Variants in SMYD3 observed in about 807,000 individuals in gnomAD.
The protein encoded by SMYD3 is histone-lysine N-methyltransferase SMYD3.
A neutral mutation model predicts 57.7 loss-of-function variants in SMYD3; 36 were observed. The observed-to-expected ratio is 0.62, with a 90% CI of 0.48 to 0.82. SMYD3 has a LOEUF of 0.82. Among genes scored for constraint, SMYD3 ranks in the 40% least tolerant of loss-of-function variants. SMYD3 has a pLI of 0.00. For synonymous variants in SMYD3, 211 were observed against 195.0 expected, an observed-to-expected ratio of 1.08 and a Z score of -0.68; for missense variants, 515 against 538.8, an observed-to-expected ratio of 0.96 and a Z score of 0.44.
intron 5 of SMYD3, among the ~76,000 whole-genome samples, chr1:245,964,755 C>T (rs113461872): frequency 0.01 from 1,456 of 143,002 alleles, 28 homozygotes; most frequent in African/African-American, 0.036. Context: ...GATACGACAA[C>T]AGAAACTTCT....
At chr1:245,913,513 T>A (rs552820659) in intron 8 of SMYD3, among the ~76,000 whole-genome samples, 192 of 140,252 alleles carry the variant, frequency 1.4e-3, no homozygotes, top group African/African-American at 2.1e-3. Flanking sequence ...AACTATAATT[T>A]AAAAAAAAAA....
intron 10 of SMYD3, among the ~76,000 whole-genome samples, chr1:245,790,713 T>C (rs1449853404): frequency 6.6e-6 from 1 of 152,218 alleles, no homozygotes; most frequent in African/African-American, 2.4e-5. Flanking sequence ...TTTGGCTAAC[T>C]GAACCATTTG....
intron 5 of SMYD3, among the ~76,000 whole-genome samples, chr1:246,088,241 TTCTC>T (rs1166805898): frequency 6.6e-6 from 1 of 151,236 alleles, no homozygotes; most frequent in African/African-American, 2.4e-5. Flanking sequence ...CTCTCTCTCT[TTCTC>T]TCTCTCTCTC....
chr1:246,289,973 T>C (rs1291639241), intron 5 of SMYD3, among the ~76,000 whole-genome samples: 1 of 152,156 alleles, frequency 6.6e-6, no homozygotes, highest in African/African-American at 2.4e-5. Flanking sequence ...AGGAAAAAAC[T>C]ATCATAACTT....
intron 5 of SMYD3, among the ~76,000 whole-genome samples, chr1:246,003,546 C>G (rs2059117448): frequency 6.6e-6 from 1 of 152,152 alleles, no homozygotes. Context: ...ATTCCCTCCC[C>G]ATTCCTTTTT....
At chr1:246,290,925 A>G (rs1474257941) in intron 5 of SMYD3, among the ~76,000 whole-genome samples, 1 of 152,182 alleles carries the variant, frequency 6.6e-6, no homozygotes, top group East Asian at 1.9e-4. Context: ...GAGGTTATAT[A>G]TTTATTTTAA....
chr1:246,136,597 T>C (rs1010849531), intron 5 of SMYD3, among the ~76,000 whole-genome samples: 4 of 152,192 alleles, frequency 2.6e-5, no homozygotes, highest in African/African-American at 7.2e-5. Context: ...ATGTACAGCA[T>C]GGGCTCTGCA....
intron 10 of SMYD3, among the ~76,000 whole-genome samples, chr1:245,783,527 A>C (rs1013983901): frequency 1.3e-5 from 2 of 152,180 alleles, no homozygotes; most frequent in Admixed American, 1.3e-4. Flanking sequence ...ATTGAACATA[A>C]TAGTGGAAGT....
At chr1:246,426,891 T>G (rs999819582) in intron 1 of SMYD3, among the ~76,000 whole-genome samples, 7 of 152,222 alleles carry the variant, frequency 4.6e-5, no homozygotes, top group Admixed American at 6.5e-5. Flanking sequence ...CCCTCTCTAC[T>G]TTACAGAAAT....
At chr1:245,837,303 G>A (rs1034348203) in intron 10 of SMYD3, among the ~76,000 whole-genome samples, 9 of 151,970 alleles carry the variant, frequency 5.9e-5, no homozygotes, top group African/African-American at 9.7e-5. Context: ...GGCAGCCACA[G>A]CTGGGAGACG....
chr1:245,971,350 C>T (rs1341275460), intron 5 of SMYD3, among the ~76,000 whole-genome samples: 2 of 152,040 alleles, frequency 1.3e-5, no homozygotes, highest in African/African-American at 2.4e-5. Context: ...ATGTAGATGA[C>T]GGGTTGATGG....
rs117689522 is a variant in SMYD3, at chr1:246,392,572, C to T, written c.165-37478G>A. On this transcript the variant is annotated intron_variant, in intron 1 of 11. Transcript: ENST00000490107. The stretch of plus-strand genomic sequence containing the variant: ...AAGCGATCCTCCCAGGTTCACCTCC[C>T]GAATAGCTGGGACTACAAGAACACA... Among the ~76,000 whole-genome samples, 97 of 151,936 alleles carry T rather than the reference C, an allele frequency of 6.4e-4. 1 individual carries two copies. In the East Asian group the frequency reaches 0.018, roughly 28 times the overall value.
chr1:245,934,776 C>G (rs6426338), intron 5 of SMYD3, among the ~76,000 whole-genome samples: 137,923 of 152,116 alleles, frequency 0.91, 63,702 homozygotes, highest in Non-Finnish European at 0.99. Context: ...AAAAAAAATC[C>G]ATAATAGAAA....
intron 5 of SMYD3, chr1:246,035,083 G>T: frequency 6.6e-6 from 1 of 152,280 alleles, no homozygotes; most frequent in Non-Finnish European, 1.5e-5. Flanking sequence ...ACCCTTCCAG[G>T]TCACTGCCTC....
intron 5 of SMYD3, among the ~76,000 whole-genome samples, chr1:246,165,580 C>CG (rs1358846021): frequency 6.6e-6 from 1 of 151,932 alleles, no homozygotes; most frequent in African/African-American, 2.4e-5. Context: ...TAAAAGTCGT[C>CG]GAAACAATCT....
At chr1:246,101,440 C>T (rs955487858) in intron 5 of SMYD3, among the ~76,000 whole-genome samples, 2 of 152,148 alleles carry the variant, frequency 1.3e-5, no homozygotes, top group Non-Finnish European at 2.9e-5. Context: ...CAATCTCTGC[C>T]AATCCCCATC....
chr1:245,987,906 GAAA>G (rs2058734663), intron 5 of SMYD3, among the ~76,000 whole-genome samples: 1 of 152,114 alleles, frequency 6.6e-6, no homozygotes. Flanking sequence ...AACTTAAAAA[GAAA>G]AAAGAAAATC....
At chr1:246,364,683 C>T (rs1206945466) in intron 1 of SMYD3, among the ~76,000 whole-genome samples, 4 of 152,092 alleles carry the variant, frequency 2.6e-5, no homozygotes, top group South Asian at 2.1e-4. Context: ...AGTTATGGGA[C>T]GTAAAACATG....
intron 5 of SMYD3, among the ~76,000 whole-genome samples, chr1:246,030,430 G>C (rs998424975): frequency 1.3e-5 from 2 of 152,206 alleles, no homozygotes; most frequent in African/African-American, 4.8e-5. Context: ...GGAAGAATGG[G>C]AGGGAGGTTG....
Sources: gnomAD v4.1 joint callset for allele counts (sites outside exome capture counted in the v4.1 genomes callset) on GRCh38, gnomAD v4.1.1 for gene constraint, MANE v1.5 for transcripts, NCBI Gene and HGNC (gene_info 2026-07-23, HGNC 2026-07-21) for gene names.